The following HDAC4 variants were observed in gnomAD, a reference collection of about 807,000 sequenced individuals.
The protein encoded by HDAC4 is histone deacetylase A.
HDAC4 carries 16 observed loss-of-function variants against 135.1 expected under a neutral mutation model. That is an observed-to-expected ratio of 0.12 (90% CI 0.08 to 0.18). HDAC4 has a LOEUF of 0.18. Among genes scored for constraint, HDAC4 ranks in the 10% least tolerant of loss-of-function variants. HDAC4 has a pLI of 1.00. For synonymous variants in HDAC4, 685 were observed against 653.4 expected (o/e 1.05, Z -0.74); for missense variants, 1,143 against 1,511.8 (o/e 0.76, Z 4.05).
intron 1 of HDAC4, among the ~76,000 whole-genome samples, chr2:239,367,667 T>C (rs1694309561): frequency 6.6e-6 from 1 of 152,186 alleles, no homozygotes; most frequent in African/African-American, 2.4e-5. Context: ...TACCTTCACA[T>C]TATATGTATA....
intron 5 of HDAC4, among the ~76,000 whole-genome samples, chr2:239,174,670 T>C (rs1488172927): frequency 6.6e-6 from 1 of 152,198 alleles, no homozygotes. Flanking sequence ...CCAAGAAACA[T>C]GTACAAGAAT....
chr2:239,117,631 C>T (rs560251056), intron 12 of HDAC4, among the ~76,000 whole-genome samples: 2 of 149,748 alleles, frequency 1.3e-5, no homozygotes, highest in South Asian at 2.1e-4. Context: ...CTAGGAAGGG[C>T]GCACAGGGAG....
At chr2:239,213,998 C>T (rs1358902985) in intron 3 of HDAC4, among the ~76,000 whole-genome samples, 2 of 152,264 alleles carry the variant, frequency 1.3e-5, no homozygotes, top group African/African-American at 4.8e-5. Flanking sequence ...CTGAGTCTGG[C>T]TGACATAAAG....
intron 22 of HDAC4, among the ~76,000 whole-genome samples, chr2:239,075,249 AAAAG>A (rs2034623513): frequency 6.6e-6 from 1 of 151,148 alleles, no homozygotes; most frequent in Non-Finnish European, 1.5e-5. Context: ...AAAAAAAAAA[AAAAG>A]AACTCAGTCT....
chr2:239,162,078 C>T (rs560018915), intron 6 of HDAC4: 6 of 453,544 alleles, frequency 1.3e-5, no homozygotes, highest in African/African-American at 8.0e-5. Context: ...CTGCCGTGGC[C>T]ACCCTCTGGG....
At position 239,262,773 on chromosome 2, in the gene HDAC4, G is replaced by A. The variant is rs1445379211; in HGVS notation, c.23-26109C>T. Among the ~76,000 whole-genome samples the A allele has an allele frequency of 1.3e-5, 2 of 152,210 alleles. No homozygotes were observed. The highest frequency in any genetic ancestry group is 6.5e-5 in the Admixed American group (1 of 15,284). ...ACGCTCGCAGCCCAAGAACACAGAC[G>A]AGGAGGCCTGTGCTCAGGCACTAAG... On this transcript the variant is annotated intron_variant, in intron 2 of 26. Coordinates refer to ENST00000543185, the MANE Select transcript of HDAC4 (RefSeq NM_001378414.1). This position sits in a 1 kb window ranked among gnomAD's most constrained non-coding sequence, Gnocchi z 4.1.
chr2:239,301,013 C>T (rs1243399687), intron 2 of HDAC4, among the ~76,000 whole-genome samples: 1 of 152,238 alleles, frequency 6.6e-6, no homozygotes, highest in Admixed American at 6.5e-5. Context: ...GCCCTGCCCC[C>T]TCCTCCGGGC....
At chr2:239,253,602 T>C (rs1464057162) in intron 2 of HDAC4, among the ~76,000 whole-genome samples, 2 of 152,234 alleles carry the variant, frequency 1.3e-5, no homozygotes, top group African/African-American at 2.4e-5. Context: ...AACTTTAGGT[T>C]CCCAAACCTT....
rs768337069 is a variant in HDAC4, at chr2:239,084,163, C to T, written c.2524G>A (p.Val842Met). Residue 842 changes from valine to methionine, a missense_variant, in exon 20 of 27, where the codon GTG (valine) becomes ATG (methionine). By Grantham distance (21) the Val-to-Met change is conservative. This residue lies in a region of HDAC4 where 189 missense variants were observed against 317.6 expected (regional missense o/e 0.60). Coordinates refer to ENST00000543185, the MANE Select transcript of HDAC4 (RefSeq NM_001378414.1). The part of the protein sequence containing the change: ...QRLSVSKILI[V>M]DWDVHHGNGT... ...AAGGCGGCTCTGCTTACCCAGTCCACGATGAGGATCTTGCTCACGCTCAAC... is the reference window on the plus strand; with the variant it reads ...AAGGCGGCTCTGCTTACCCAGTCCATGATGAGGATCTTGCTCACGCTCAAC... 31 of 1,612,598 alleles carry T rather than the reference C, an allele frequency of 1.9e-5. No homozygotes were observed. Among genetic ancestry groups the T allele is most frequent in the East Asian group, 8.9e-5 (4 of 44,860 alleles).
intron 1 of HDAC4, among the ~76,000 whole-genome samples, chr2:239,390,530 GGCAACAAA>G (rs1696127882): frequency 6.6e-6 from 1 of 151,998 alleles, no homozygotes; most frequent in South Asian, 2.1e-4. Flanking sequence ...CTCCAGCCTG[GGCAACAAA>G]GCAGGACTCT....
At chr2:239,112,959 T>A (rs561612659) in intron 13 of HDAC4, among the ~76,000 whole-genome samples, 1 of 152,266 alleles carries the variant, frequency 6.6e-6, no homozygotes, top group African/African-American at 2.4e-5. Context: ...GCGTGGTGGC[T>A]CATGCCTGTA....
intron 2 of HDAC4, among the ~76,000 whole-genome samples, chr2:239,310,127 A>T (rs1481101173): frequency 6.6e-6 from 1 of 152,216 alleles, no homozygotes; most frequent in Non-Finnish European, 1.5e-5. Context: ...CTGCTGGGGG[A>T]ATGGTCCGTG....
intron 16 of HDAC4, among the ~76,000 whole-genome samples, chr2:239,101,891 T>C (rs562165103): frequency 1.3e-5 from 2 of 149,782 alleles, no homozygotes; most frequent in Non-Finnish European, 3.0e-5. Flanking sequence ...CGGGTCTGGG[T>C]TCTGTGCCCT....
At chr2:239,267,072 C>T (rs1031490494) in intron 2 of HDAC4, among the ~76,000 whole-genome samples, 1 of 151,942 alleles carries the variant, frequency 6.6e-6, no homozygotes, top group Admixed American at 6.6e-5. Flanking sequence ...ACATGGTCTC[C>T]GCGGCAGCTG....
Position 239,111,634 on chromosome 2 carries a change from C to G in HDAC4, c.1870G>C (p.Val624Leu), listed in dbSNP as rs145532501. The G allele has an allele frequency of 1.2e-6, 2 of 1,608,682 alleles. No individual in the cohort carries two copies. Among genetic ancestry groups the G allele is most frequent in the African/African-American group, 1.3e-5 (1 of 74,832 alleles). Reference protein sequence around the residue: ...QASMEAAGIPVSFGGHRPLSR... With the variant: ...QASMEAAGIPLSFGGHRPLSR... Reference sequence around the variant, plus strand: ...AGAGGCCTGTGGCCGCCGAAGGACACGGGGATGCCGGCGGCCTCCATGGAC... The same window carrying G: ...AGAGGCCTGTGGCCGCCGAAGGACAGGGGGATGCCGGCGGCCTCCATGGAC... Residue 624 changes from valine (V) to leucine (L), a missense_variant, in exon 14 of 27, where the codon GTG becomes CTG. Physicochemically the swap from Val to Leu is conservative, Grantham distance 32. This residue lies in a region of HDAC4 where 196 missense variants were observed against 210.7 expected (regional missense o/e 0.93). Transcript: ENST00000543185.
At chr2:239,116,768 G>A (rs1047195074) in intron 12 of HDAC4, among the ~76,000 whole-genome samples, 21 of 152,106 alleles carry the variant, frequency 1.4e-4, no homozygotes, top group African/African-American at 4.6e-4. Flanking sequence ...TCCCGACCAC[G>A]CCGCTGGCTC....
At position 239,084,346 on chromosome 2, in the gene HDAC4, T is replaced by C. The variant is rs186734635; in HGVS notation, c.2445-104A>G. On this transcript the variant is annotated intron_variant, in intron 19 of 26. Coordinates refer to ENST00000543185, the MANE Select transcript of HDAC4 (RefSeq NM_001378414.1). ...TCGGGGTCCACGCAGACCTAAGAGG[T>C]CTCTGTGAGTGCAGAGCTCCTGAAT... 596 of 765,754 alleles carry C rather than the reference T, an allele frequency of 7.8e-4. 4 individuals are homozygous for C. The African/African-American group carries it at 9.4e-3, about 12-fold the overall frequency. 47.4% of individuals were successfully genotyped at this position (765,754 alleles called of 1,614,324 possible). A position where few individuals can be genotyped will look rare whatever the true frequency, so the allele number is the denominator to read the frequency against.
intron 2 of HDAC4, among the ~76,000 whole-genome samples, chr2:239,252,547 G>A (rs745359286): frequency 6.6e-6 from 1 of 152,164 alleles, no homozygotes; most frequent in Non-Finnish European, 1.5e-5. Flanking sequence ...CAAAAGGCAC[G>A]AGGGAAAGAG....
At chr2:239,397,585 G>A (rs1696650850) in intron 1 of HDAC4, among the ~76,000 whole-genome samples, 1 of 152,188 alleles carries the variant, frequency 6.6e-6, no homozygotes, top group South Asian at 2.1e-4. Context: ...TCTAGGAAGT[G>A]AGTAGGAGGT....
Sources: gnomAD v4.1 joint callset for allele counts (sites outside exome capture counted in the v4.1 genomes callset) on GRCh38, gnomAD v4.1.1 for gene constraint, gnomAD v4.1.1 regional missense constraint, Gnocchi (gnomAD v3.1) non-coding constraint, MANE v1.5 for transcripts, NCBI Gene and HGNC (gene_info 2026-07-23, HGNC 2026-07-21) for gene names.